Variants in SNF8 observed in about 807,000 individuals in gnomAD.
The protein encoded by SNF8 is vacuolar-sorting protein SNF8.
SNF8 carries 19 observed loss-of-function variants against 36.8 expected under a neutral mutation model. The observed-to-expected ratio is 0.52, with a 90% confidence interval of 0.36 to 0.76. The LOEUF (loss-of-function observed/expected upper bound fraction) is 0.76. SNF8 is among the 30% of genes least tolerant of loss of function. The pLI, the probability that SNF8 is intolerant of heterozygous loss-of-function variation, is 0.00. For missense variants in SNF8, 268 were observed against 322.9 expected (o/e 0.83, Z 1.30); for synonymous variants, 127 against 127.4 (o/e 1.00, Z 0.02).
chr17:48,940,925 G>A lies in SNF8; in HGVS notation c.243C>T (p.Ala81=), dbSNP rs1219451407. The A allele has an allele frequency of 6.2e-7, 1 of 1,611,870 alleles. No homozygotes were observed. Among genetic ancestry groups the A allele is most frequent in the Non-Finnish European group, 8.5e-7 (1 of 1,179,690 alleles). The change falls in exon 3 of 8, where the codon GCC becomes GCT. Residue 81 remains alanine, a splice_region_variant and synonymous_variant. Transcript: ENST00000502492. ...MCATIGVDPL[A]SGKGFWSEML... is the part of the protein sequence containing the mutation. Reference sequence around the variant, plus strand: ...GGACCCCTACAGACAACTTCTTACAGGCCAGCGGATCCACGCCAATGGTTG... The same window carrying A: ...GGACCCCTACAGACAACTTCTTACAAGCCAGCGGATCCACGCCAATGGTTG...
At chr17:48,933,416 C>T in intron 5 of SNF8, 70 bp from the exon 6 acceptor site, 2 of 1,565,620 alleles carry the variant, frequency 1.3e-6, no homozygotes, top group East Asian at 2.3e-5. Context: ...TCAGCTCTGC[C>T]CTGGGCAGGA....
rs763236773 is a variant in SNF8, at chr17:48,937,092, C to A, written c.277G>T (p.Val93Leu). The change falls in exon 4 of 8, where the codon GTG (valine) becomes TTG (leucine). Residue 93 changes from valine to leucine, a missense_variant. Val to Leu is a conservative substitution (Grantham distance 32). Transcript: ENST00000502492. Reference sequence around the variant, plus strand: ...CCTAGTTCGTAATAGAAGTCCCCCACGCCCAGCATCTCAGACCAAAATCCT... The same window carrying A: ...CCTAGTTCGTAATAGAAGTCCCCCAAGCCCAGCATCTCAGACCAAAATCCT... ...GKGFWSEMLG[V>L]GDFYYELGVQ... 2 of 1,614,154 alleles carry A rather than the reference C, an allele frequency of 1.2e-6. No homozygotes were observed. The highest frequency in any genetic ancestry group is 1.7e-5 in the Admixed American group (1 of 60,006).
chr17:48,938,186 C>T (rs2040963751), intron 3 of SNF8, among the ~76,000 whole-genome samples: 1 of 152,062 alleles, frequency 6.6e-6, no homozygotes, highest in Non-Finnish European at 1.5e-5. Flanking sequence ...AATCCACTGA[C>T]GACAATATTC....
chr17:48,939,462 T>G (rs1172412418), intron 3 of SNF8, among the ~76,000 whole-genome samples: 1 of 149,346 alleles, frequency 6.7e-6, no homozygotes, highest in African/African-American at 2.4e-5. Context: ...TAATTTCTTT[T>G]TTTTTTTTTT....
intron 2 of SNF8, 76 bp downstream of exon 2, chr17:48,943,849 C>T (rs1489968399): frequency 1.5e-6 from 2 of 1,310,402 alleles, no homozygotes; most frequent in African/African-American, 1.4e-5. Flanking sequence ...TCTACACAAT[C>T]AAGTTCGTAT....
chr17:48,938,980 C>T (rs917411725), intron 3 of SNF8, among the ~76,000 whole-genome samples: 5 of 151,998 alleles, frequency 3.3e-5, no homozygotes, highest in South Asian at 2.1e-4. Flanking sequence ...CATCTGTAGC[C>T]GGGCGCGGTA....
chr17:48,943,077 G>C (rs1410254662), intron 2 of SNF8, among the ~76,000 whole-genome samples: 2 of 148,486 alleles, frequency 1.3e-5, no homozygotes, highest in East Asian at 4.1e-4. Context: ...TGTTGGCCAG[G>C]CTGGTCTCGA....
At chr17:48,943,996 CA>C in intron 1 of SNF8, 21 bp from the exon 2 acceptor site, 1 of 1,613,308 alleles carries the variant, frequency 6.2e-7, no homozygotes, top group South Asian at 1.1e-5. Context: ...AAGAGACCAG[CA>C]TAAGTTAAGA....
intron 7 of SNF8, among the ~76,000 whole-genome samples, chr17:48,931,413 AGCAGGG>A (rs1464226561): frequency 6.6e-6 from 1 of 152,196 alleles, no homozygotes; most frequent in Non-Finnish European, 1.5e-5. Context: ...TTCCCCAAGT[AGCAGGG>A]GCAGCCTGGT....
At chr17:48,942,536 G>A (rs914127221) in intron 2 of SNF8, among the ~76,000 whole-genome samples, 2 of 152,008 alleles carry the variant, frequency 1.3e-5, no homozygotes, top group Non-Finnish European at 2.9e-5. Context: ...TAAACTCGGA[G>A]CACGTACAGA....
In SNF8 at chr17:48,943,959, C is replaced by A. The variant is rs1175356392; in HGVS notation, c.71G>T (p.Arg24Leu). 2.5e-6 allele frequency: 4 copies of A among 1,613,912 alleles called. No individual in the cohort carries two copies. The Admixed American group carries it at 5.0e-5, about 20-fold the overall frequency. ...CTGGTCCTCAGCCAAGACCGTCCCTCGCTCCTTATACTTGGCCTGTCAGAC... is the reference window on the plus strand; with the variant it reads ...CTGGTCCTCAGCCAAGACCGTCCCTAGCTCCTTATACTTGGCCTGTCAGAC... ...KKLAEAKYKE[R>L]GTVLAEDQLA... Residue 24 changes from arginine to leucine, a missense_variant, in exon 2 of 8, where the codon CGA becomes CTA. Transcript: ENST00000502492.
chr17:48,933,250 T>G lies in SNF8; in HGVS notation c.519A>C (p.Pro173=). 6.2e-7 allele frequency: 1 copy of G among 1,614,100 alleles called. No individual in the cohort carries two copies. The highest frequency in any genetic ancestry group is 2.2e-5 in the East Asian group (1 of 44,882). Residue 173 remains proline (P), a synonymous_variant, in exon 6 of 8, where the codon CCA becomes CCC. Transcript: ENST00000502492. Reference sequence around the variant, plus strand: ...CGGTGTGATCCATATTGAGCTCAGCTGGAACAGACTGAATGAGGTAAGTGC... The same window carrying G: ...CGGTGTGATCCATATTGAGCTCAGCGGGAACAGACTGAATGAGGTAAGTGC... ...VGGTYLIQSV[P]AELNMDHTVV...
intron 3 of SNF8, among the ~76,000 whole-genome samples, chr17:48,940,430 C>T (rs2041002024): frequency 6.6e-6 from 1 of 152,118 alleles, no homozygotes; most frequent in Non-Finnish European, 1.5e-5. Flanking sequence ...ACTGGCTACT[C>T]AGCCTATAGT....
chr17:48,930,479 G>A lies in SNF8; in HGVS notation c.773C>T (p.Pro258Leu). Reference sequence around the variant, plus strand: ...TGTGTGCCCTTCCACATGCAGTCAGGGGAGGGCTTCTCTGGCCTCCTCAGC... The same window carrying A: ...TGTGTGCCCTTCCACATGCAGTCAGAGGAGGGCTTCTCTGGCCTCCTCAGC... ...ITAEEAREAL[P>L] The change falls in exon 8 of 8, where the codon CCC becomes CTC. Residue 258 changes from proline to leucine, a missense_variant. Coordinates refer to ENST00000502492, the MANE Select transcript of SNF8 (RefSeq NM_007241.4). 2 of 1,604,292 alleles carry A rather than the reference G, an allele frequency of 1.2e-6. No homozygotes were observed. Among genetic ancestry groups the A allele is most frequent in the Non-Finnish European group, 1.7e-6 (2 of 1,175,368 alleles).
Position 48,937,086 on chromosome 17 carries a change from C to T in SNF8, c.283G>A (p.Asp95Asn). The T allele has an allele frequency of 1.2e-6, 2 of 1,614,132 alleles. No individual in the cohort carries two copies. The highest frequency in any genetic ancestry group is 1.7e-6 in the Non-Finnish European group (2 of 1,179,986). Residue 95 changes from aspartate (D) to asparagine (N), a missense_variant, in exon 4 of 8, where the codon GAC becomes AAC. By Grantham distance (23) the Asp-to-Asn change is conservative (BLOSUM62 1). Transcript: ENST00000502492. ...TGGACACCTAGTTCGTAATAGAAGT[C>T]CCCCACGCCCAGCATCTCAGACCAA... The part of the protein sequence containing the change: ...GFWSEMLGVG[D>N]FYYELGVQII...
chr17:48,931,297 C>T (rs1466781319), intron 7 of SNF8, among the ~76,000 whole-genome samples: 2 of 152,138 alleles, frequency 1.3e-5, no homozygotes, highest in African/African-American at 2.4e-5. Flanking sequence ...ATGTAATTAA[C>T]GTAGTTAATA....
intron 4 of SNF8, 149 bp downstream of exon 4, chr17:48,936,871 T>C: frequency 1.5e-6 from 1 of 689,270 alleles, no homozygotes; most frequent in Non-Finnish European, 2.6e-6. Context: ...CCATGGAGAC[T>C]TGCCATGGAT....
chr17:48,933,145 T>C lies in SNF8; in HGVS notation c.564+60A>G, dbSNP rs1023192091. 23 of 1,594,648 alleles carry C rather than the reference T, an allele frequency of 1.4e-5. No homozygotes were observed. In the South Asian group the frequency reaches 2.0e-4, roughly 14 times the overall value. On this transcript the variant is annotated intron_variant, in intron 6 of 7. Coordinates refer to ENST00000502492, the MANE Select transcript of SNF8 (RefSeq NM_007241.4). ...ATGGGGAGCACGAGCTGAGAACTGCTCCAGACTTGCCTCACAGACTGTCCC... is the reference window on the plus strand; with the variant it reads ...ATGGGGAGCACGAGCTGAGAACTGCCCCAGACTTGCCTCACAGACTGTCCC...
intron 6 of SNF8, 130 bp from the exon 7 acceptor site, chr17:48,931,847 A>T: frequency 1.5e-6 from 1 of 674,408 alleles, no homozygotes; most frequent in Non-Finnish European, 2.5e-6. Context: ...AACACAGAAA[A>T]TGTTTAAAGG....
Sources: allele counts gnomAD v4.1 joint callset (sites outside exome capture counted in the v4.1 genomes callset), GRCh38; gene constraint gnomAD v4.1.1; transcripts MANE v1.5; gene names NCBI Gene and HGNC (gene_info 2026-07-23, HGNC 2026-07-21).